Variants in DNAJB13 observed in about 807,000 individuals in gnomAD.
The protein encoded by DNAJB13 is DnaJ heat shock protein family (Hsp40) member B13.
DNAJB13 carries 22 observed loss-of-function variants against 35.6 expected under a neutral mutation model. The observed-to-expected ratio is 0.62, with a 90% CI of 0.44 to 0.88. DNAJB13 has a LOEUF of 0.88. Ranked by LOEUF, DNAJB13 falls within the 40% of genes least tolerant of loss-of-function variation. DNAJB13 has a pLI of 0.00. For synonymous variants in DNAJB13, 136 were observed against 144.2 expected, an observed-to-expected ratio of 0.94 and a Z score of 0.41; for missense variants, 370 against 384.3, an observed-to-expected ratio of 0.96 and a Z score of 0.31.
intron 1 of DNAJB13, 38 bp from the exon 2 acceptor site, chr11:73,958,279 C>T (rs908402184): frequency 1.2e-6 from 2 of 1,604,822 alleles, no homozygotes; most frequent in African/African-American, 2.7e-5. Flanking sequence ...CAGAAACAGA[C>T]CAGCTGATAA....
chr11:73,953,006 T>G (rs1591166571), intron 1 of DNAJB13, among the ~76,000 whole-genome samples: 1 of 152,254 alleles, frequency 6.6e-6, no homozygotes, highest in East Asian at 1.9e-4. Context: ...GGAGGATCCC[T>G]TGGGCCCAGG....
chr11:73,964,848 T>G, intron 3 of DNAJB13, 30 bp from the exon 4 acceptor site: 1 of 1,590,402 alleles, frequency 6.3e-7, no homozygotes, highest in Non-Finnish European at 8.6e-7. Context: ...TGGATACAAT[T>G]TCTCTTACTC....
intron 1 of DNAJB13, among the ~76,000 whole-genome samples, chr11:73,952,213 G>A (rs1009537281): frequency 1.3e-5 from 2 of 152,180 alleles, no homozygotes; most frequent in African/African-American, 4.8e-5. Flanking sequence ...GCTGTTCGTG[G>A]TAATCAAGGC....
At position 73,970,087 on chromosome 11, in the gene DNAJB13, G is replaced by T; in HGVS notation, c.924G>T (p.Gln308His). The change falls in exon 8 of 8, where the codon CAG becomes CAT. Residue 308 changes from glutamine (Q) to histidine (H), a missense_variant. Transcript: ENST00000339764. ...CCCGCCTCACACCCCAGAAGAAGCA[G>T]ATGCTGCGCCAGGCATTGCTGACAT... Reference protein sequence around the residue: ...FPTRLTPQKKQMLRQALLT With the variant: ...FPTRLTPQKKHMLRQALLT 6.2e-7 allele frequency: 1 copy of T among 1,609,486 alleles called. No individual in the cohort carries two copies. Among genetic ancestry groups the T allele is most frequent in the South Asian group, 1.1e-5 (1 of 89,768 alleles).
At chr11:73,957,491 A>T (rs1950783731) in intron 1 of DNAJB13, among the ~76,000 whole-genome samples, 1 of 152,158 alleles carries the variant, frequency 6.6e-6, no homozygotes, top group Non-Finnish European at 1.5e-5. Flanking sequence ...CTGCCGATAC[A>T]TATTCTCAGA....
intron 1 of DNAJB13, among the ~76,000 whole-genome samples, chr11:73,953,039 A>G (rs1441758974): frequency 6.6e-6 from 1 of 152,160 alleles, no homozygotes; most frequent in African/African-American, 2.4e-5. Flanking sequence ...CAGCCTGGGC[A>G]TCATAGGGAG....
chr11:73,968,623 C>T (rs1456901548), intron 6 of DNAJB13, among the ~76,000 whole-genome samples, 165 bp downstream of exon 6: 2 of 152,198 alleles, frequency 1.3e-5, no homozygotes, highest in African/African-American at 2.4e-5. Flanking sequence ...TGCTCATCTG[C>T]ACCGCCTGGA....
At chr11:73,960,431 C>T (rs1950899877) in intron 3 of DNAJB13, among the ~76,000 whole-genome samples, 1 of 152,238 alleles carries the variant, frequency 6.6e-6, no homozygotes, top group South Asian at 2.1e-4. Context: ...ATCTGCCCAC[C>T]TCTGCCTCCC....
At chr11:73,967,946 A>G (rs943454515) in intron 5 of DNAJB13, 1 of 312,756 alleles carries the variant, frequency 3.2e-6, no homozygotes, top group Non-Finnish European at 5.8e-6. Context: ...CAGCGCCCAG[A>G]AGAGACCTCA....
At chr11:73,957,374 GTCCCTGGCAGTC>G (rs1320551820) in intron 1 of DNAJB13, among the ~76,000 whole-genome samples, 1 of 152,204 alleles carries the variant, frequency 6.6e-6, no homozygotes, top group Non-Finnish European at 1.5e-5. Flanking sequence ...GCACTCCGCT[GTCCCTGGCAGTC>G]TCCCTCCGCT....
chr11:73,964,930 G>C lies in DNAJB13; in HGVS notation c.387G>C (p.Gln129His). Residue 129 changes from glutamine to histidine, a missense_variant, in exon 4 of 8, where the codon CAG becomes CAC. Transcript: ENST00000339764. ...TAGATTTGAACTTTGGGGGGCTCCA[G>C]GGCCGAGGGGTCAAGAAGCAGGACC... is the stretch of plus-strand genomic sequence containing the variant. Reference protein sequence around the residue: ...SEVDLNFGGLQGRGVKKQDPQ... With the variant: ...SEVDLNFGGLHGRGVKKQDPQ... 2 of 1,613,732 alleles carry C rather than the reference G, an allele frequency of 1.2e-6. No individual in the cohort carries two copies. Among genetic ancestry groups the C allele is most frequent in the Non-Finnish European group, 1.7e-6 (2 of 1,179,960 alleles).
At chr11:73,954,625 G>A (rs1485107885) in intron 1 of DNAJB13, among the ~76,000 whole-genome samples, 13 of 128,076 alleles carry the variant, frequency 1.0e-4, no homozygotes, top group African/African-American at 2.9e-4. Context: ...GTGAGACTCC[G>A]TCTCAAAAAA....
At chr11:73,962,243 C>T (rs1254995012) in intron 3 of DNAJB13, among the ~76,000 whole-genome samples, 2 of 152,150 alleles carry the variant, frequency 1.3e-5, no homozygotes, top group African/African-American at 4.8e-5. Context: ...GCTTGTCTCC[C>T]TACCAGACTG....
Position 73,966,845 on chromosome 11 carries a change from A to ATTTTTTTTTT in DNAJB13, c.606+610_606+619dup, listed in dbSNP as rs770257573. ...AGGCATGTGCCACCACGCCCAGCTA[A>ATTTTTTTTTT]TTTTTTTTTTTTTTTTTTTTTTTTT... On this transcript the variant is annotated intron_variant, in intron 5 of 7. Coordinates refer to ENST00000339764, the MANE Select transcript of DNAJB13 (RefSeq NM_153614.4). Among the ~76,000 whole-genome samples, 3 of 98,242 alleles carry ATTTTTTTTTT rather than the reference A, an allele frequency of 3.1e-5. 1 individual carries two copies. The highest frequency in any genetic ancestry group is 1.4e-4 in the African/African-American group (3 of 21,110). 64.5% of individuals were successfully genotyped at this position (98,242 alleles called of 152,430 possible).
intron 3 of DNAJB13, chr11:73,964,622 A>G: frequency 2.2e-6 from 1 of 449,626 alleles, no homozygotes; most frequent in Non-Finnish European, 4.0e-6. Flanking sequence ...GAGGTGAAGC[A>G]GTGGGAAATG....
intron 6 of DNAJB13, 145 bp downstream of exon 6, chr11:73,968,603 T>C (rs1951190905): frequency 1.5e-6 from 1 of 671,206 alleles, no homozygotes; most frequent in East Asian, 2.7e-5. Context: ...ACCATCCACT[T>C]GGTCCCGTCT....
At chr11:73,954,405 C>G (rs935078368) in intron 1 of DNAJB13, among the ~76,000 whole-genome samples, 1 of 144,982 alleles carries the variant, frequency 6.9e-6, no homozygotes, top group East Asian at 2.1e-4. Context: ...CTGAGGCGGG[C>G]GGATCACGAG....
Position 73,959,663 on chromosome 11 carries a change from G to A in DNAJB13, c.334+8G>A. 6.2e-7 allele frequency: 1 copy of A among 1,611,668 alleles called. No homozygotes were observed. The highest frequency in any genetic ancestry group is 1.1e-5 in the South Asian group (1 of 90,806). On this transcript the variant is annotated splice_region_variant and intron_variant, in intron 3 of 7. Transcript: ENST00000339764. ...GAAACAACCCCTTCAGTGGTAAGAG[G>A]TCTTCCTCCCCCACCTTGCCTTATA...
intron 3 of DNAJB13, among the ~76,000 whole-genome samples, chr11:73,963,048 G>A (rs1301951198): frequency 6.6e-5 from 10 of 151,898 alleles, no homozygotes; most frequent in Non-Finnish European, 1.3e-4. Flanking sequence ...GCAATCGGCC[G>A]GGCATGGTGG....
Sources: allele counts gnomAD v4.1 joint callset (sites outside exome capture counted in the v4.1 genomes callset), GRCh38; gene constraint gnomAD v4.1.1; transcripts MANE v1.5; gene names NCBI Gene and HGNC (gene_info 2026-07-23, HGNC 2026-07-21).